Variants in IFTAP observed in about 807,000 individuals in gnomAD.
IFTAP encodes the protein intraflagellar transport associated protein, also known as intraflagellar transport-associated protein.
Under a neutral mutation model 19.4 loss-of-function variants are expected in IFTAP, and 19 were observed. The ratio of observed to expected loss-of-function variants is 0.98; its 90% CI spans 0.68 to 1.44. IFTAP has a LOEUF of 1.44. Among genes scored for constraint, IFTAP ranks in the 40% most tolerant of loss-of-function variants. The probability of loss-of-function intolerance (pLI) is 0.00; values close to 1 mark genes in which losing one functional copy is unlikely to be tolerated. For synonymous variants in IFTAP, 85 were observed against 83.5 expected (o/e 1.02, Z -0.10); for missense variants, 240 against 253.6 (o/e 0.95, Z 0.36).
intron 2 of IFTAP, among the ~76,000 whole-genome samples, chr11:36,617,187 ATATTTATTTGTATATATATT>A (rs1852124230): frequency 2.0e-5 from 3 of 149,324 alleles, no homozygotes; most frequent in Admixed American, 2.0e-4. Context: ...TTTTATTTGT[ATATTTATTTGTATATATATT>A]TATTTATTTG....
intron 5 of IFTAP, 55 bp downstream of exon 5, chr11:36,648,210 C>G: frequency 6.4e-7 from 1 of 1,570,618 alleles, no homozygotes; most frequent in Non-Finnish European, 8.7e-7. Flanking sequence ...TGTAATTCAT[C>G]CCTTCAAAGA....
chr11:36,610,546 G>C (rs1028994667), intron 2 of IFTAP, among the ~76,000 whole-genome samples: 1 of 152,048 alleles, frequency 6.6e-6, no homozygotes, highest in African/African-American at 2.4e-5. Flanking sequence ...AAGAGTGGAG[G>C]TTGTTAAAAG....
chr11:36,603,343 A>G (rs1851575946), intron 1 of IFTAP, among the ~76,000 whole-genome samples: 2 of 152,200 alleles, frequency 1.3e-5, no homozygotes, highest in South Asian at 4.1e-4. Flanking sequence ...GGAAAACAAC[A>G]CATCTGGTTC....
intron 4 of IFTAP, among the ~76,000 whole-genome samples, chr11:36,646,615 A>G (rs1482651048): frequency 6.6e-6 from 1 of 152,050 alleles, no homozygotes; most frequent in Non-Finnish European, 1.5e-5. Flanking sequence ...TAAAATATGT[A>G]ACAAAAATGC....
chr11:36,607,836 G>C (rs1851748365), intron 1 of IFTAP, among the ~76,000 whole-genome samples: 1 of 152,130 alleles, frequency 6.6e-6, no homozygotes, highest in African/African-American at 2.4e-5. Flanking sequence ...ACCATGCCTG[G>C]CTAATTTTGT....
chr11:36,647,437 G>C (rs1425832072), intron 4 of IFTAP, among the ~76,000 whole-genome samples: 2 of 152,092 alleles, frequency 1.3e-5, no homozygotes, highest in East Asian at 3.9e-4. Flanking sequence ...GAATTCTTGA[G>C]ATTGTGCTTA....
At chr11:36,614,243 T>A (rs1468594828) in intron 2 of IFTAP, among the ~76,000 whole-genome samples, 1 of 145,434 alleles carries the variant, frequency 6.9e-6, no homozygotes, top group Non-Finnish European at 1.5e-5. Flanking sequence ...ACAAAGGACA[T>A]GAACTCATCA....
chr11:36,623,349 G>A (rs1162702602), intron 2 of IFTAP, among the ~76,000 whole-genome samples: 1 of 145,892 alleles, frequency 6.9e-6, no homozygotes, highest in Non-Finnish European at 1.5e-5. Context: ...TCATGAAATT[G>A]TGATACTCCC....
At chr11:36,611,106 C>T (rs967328776) in intron 2 of IFTAP, among the ~76,000 whole-genome samples, 126 of 152,052 alleles carry the variant, frequency 8.3e-4, no homozygotes, top group African/African-American at 2.9e-3. Context: ...TAGTTTGTCA[C>T]GCTCTCTGGC....
chr11:36,629,016 C>T (rs1852628405), intron 2 of IFTAP, among the ~76,000 whole-genome samples: 2 of 151,230 alleles, frequency 1.3e-5, no homozygotes, highest in African/African-American at 2.5e-5. Flanking sequence ...ATTTGTCTGC[C>T]GAATTTAGCT....
chr11:36,621,862 A>G (rs2133414499), intron 2 of IFTAP, among the ~76,000 whole-genome samples: 1 of 152,142 alleles, frequency 6.6e-6, no homozygotes, highest in East Asian at 1.9e-4. Flanking sequence ...ATAGCAATCT[A>G]TATGTTTATA....
intron 2 of IFTAP, among the ~76,000 whole-genome samples, chr11:36,616,827 C>T (rs1852110788): frequency 6.6e-6 from 1 of 151,706 alleles, no homozygotes; most frequent in Non-Finnish European, 1.5e-5. Flanking sequence ...TACCCAGGAA[C>T]AGAGTTTTAA....
At chr11:36,595,912 A>G (rs1490909758) in intron 1 of IFTAP, among the ~76,000 whole-genome samples, 1 of 152,270 alleles carries the variant, frequency 6.6e-6, no homozygotes, top group Non-Finnish European at 1.5e-5. Context: ...GAACTAAAAG[A>G]ATTGGATAAA....
At chr11:36,600,036 C>G (rs778771326) in intron 1 of IFTAP, among the ~76,000 whole-genome samples, 2 of 152,178 alleles carry the variant, frequency 1.3e-5, no homozygotes, top group African/African-American at 4.8e-5. Flanking sequence ...TTAGTTGTCT[C>G]TTGACAAGAC....
intron 2 of IFTAP, 146 bp downstream of exon 2, chr11:36,610,385 CT>C: frequency 5.6e-6 from 4 of 713,036 alleles, no homozygotes; most frequent in Non-Finnish European, 9.0e-6. Context: ...GCACTCGTGA[CT>C]GATGCCCTAA....
chr11:36,659,203 GT>G lies in IFTAP; in HGVS notation c.*18del. 1 of 1,541,796 alleles carries G rather than the reference GT, an allele frequency of 6.5e-7. No homozygotes were observed. Among genetic ancestry groups the G allele is most frequent in the Non-Finnish European group, 8.7e-7 (1 of 1,146,702 alleles). On this transcript the variant is annotated 3_prime_UTR_variant, in exon 6 of 6. Coordinates refer to ENST00000334307, the MANE Select transcript of IFTAP (RefSeq NM_138787.4). ...TGTGACTGATTCACAGAGGCATTTT[GT>G]GTGTGTGTGCTTATTTTAATTTTGT...
intron 5 of IFTAP, among the ~76,000 whole-genome samples, chr11:36,653,004 C>T (rs945028758): frequency 1.4e-4 from 22 of 152,046 alleles, no homozygotes; most frequent in African/African-American, 4.3e-4. Flanking sequence ...ACCCTCTCCC[C>T]GTGAAAACTG....
At chr11:36,646,756 CTG>C (rs1853503177) in intron 4 of IFTAP, among the ~76,000 whole-genome samples, 1 of 152,108 alleles carries the variant, frequency 6.6e-6, no homozygotes, top group African/African-American at 2.4e-5. Flanking sequence ...AGCTCATTGT[CTG>C]TAAAATGGGA....
At chr11:36,633,479 GA>G in intron 3 of IFTAP, 41 bp downstream of exon 3, 1 of 1,381,690 alleles carries the variant, frequency 7.2e-7, no homozygotes. Flanking sequence ...AATCTCAGAA[GA>G]AAAGAATTCT....
Sources: allele counts gnomAD v4.1 joint callset (sites outside exome capture counted in the v4.1 genomes callset), GRCh38; gene constraint gnomAD v4.1.1; transcripts MANE v1.5; gene names NCBI Gene and HGNC (gene_info 2026-07-23, HGNC 2026-07-21).